EBF1: variants seen among roughly 807,000 people sequenced by gnomAD.
The protein encoded by EBF1 is transcription factor COE1.
In EBF1, 10 loss-of-function variants were observed where a neutral mutation model predicts 68.4. The ratio of observed to expected loss-of-function variants is 0.15; its 90% CI spans 0.09 to 0.25. EBF1 has a LOEUF of 0.25. Ranked by LOEUF, EBF1 falls within the 10% of genes least tolerant of loss-of-function variation. The pLI, the probability that EBF1 is intolerant of heterozygous loss-of-function variation, is 1.00. For missense variants in EBF1, 509 were observed against 794.4 expected (o/e 0.64, Z 4.32); for synonymous variants, 298 against 299.8 (o/e 0.99, Z 0.06).
At chr5:159,077,442 A>G (rs183808973) in intron 5 of EBF1, among the ~76,000 whole-genome samples, 3 of 152,292 alleles carry the variant, frequency 2.0e-5, no homozygotes, top group Admixed American at 2.0e-4. Context: ...CTCAAAAAGA[A>G]AAAAGAAAGA....
chr5:158,787,564 T>C (rs949265763), intron 9 of EBF1, among the ~76,000 whole-genome samples: 2 of 152,206 alleles, frequency 1.3e-5, no homozygotes, highest in African/African-American at 4.8e-5. Flanking sequence ...TTTTATTACA[T>C]TCATATTAGA....
chr5:158,775,283 A>C (rs4704959), intron 10 of EBF1, among the ~76,000 whole-genome samples: 29,434 of 151,912 alleles, frequency 0.19, 3,197 homozygotes, highest in African/African-American at 0.27. Flanking sequence ...GAACTTAAGT[A>C]ATTTAATGAG....
At chr5:158,991,364 G>A (rs552371104) in intron 6 of EBF1, among the ~76,000 whole-genome samples, 1 of 152,148 alleles carries the variant, frequency 6.6e-6, no homozygotes, top group African/African-American at 2.4e-5. Context: ...AAAAATATCT[G>A]AATCACAAAA....
chr5:158,764,118 A>G (rs1208997658), intron 10 of EBF1, among the ~76,000 whole-genome samples: 1 of 152,204 alleles, frequency 6.6e-6, no homozygotes, highest in Admixed American at 6.5e-5. Context: ...GCAGATGAGA[A>G]AAATGGAGTC....
chr5:158,925,449 GC>G (rs1809497913), intron 6 of EBF1, among the ~76,000 whole-genome samples: 1 of 152,200 alleles, frequency 6.6e-6, no homozygotes, highest in Admixed American at 6.5e-5. Context: ...CTCCCTTGTG[GC>G]CATGTGACTA....
intron 11 of EBF1, among the ~76,000 whole-genome samples, chr5:158,719,452 T>A (rs1761475592): frequency 6.6e-6 from 1 of 152,170 alleles, no homozygotes; most frequent in African/African-American, 2.4e-5. Flanking sequence ...TATGCAGACA[T>A]AGTTAACTCA....
chr5:158,790,973 G>A (rs1388802930), intron 9 of EBF1, among the ~76,000 whole-genome samples: 1 of 152,154 alleles, frequency 6.6e-6, no homozygotes, highest in African/African-American at 2.4e-5. Flanking sequence ...GTTTCCACCT[G>A]CCACCACTGT....
intron 6 of EBF1, among the ~76,000 whole-genome samples, chr5:158,959,178 T>C (rs1218639801): frequency 1.3e-5 from 2 of 152,328 alleles, no homozygotes; most frequent in Admixed American, 1.3e-4. Context: ...AATAACCATT[T>C]GCCCATATTT....
intron 6 of EBF1, among the ~76,000 whole-genome samples, chr5:158,851,692 T>G (rs1318817945): frequency 6.7e-3 from 281 of 41,990 alleles, no homozygotes; most frequent in Non-Finnish European, 7.1e-3. Flanking sequence ...GGAGGAGAAG[T>G]AAAGGGAAGG....
At chr5:159,068,906 G>A (rs970580392) in intron 6 of EBF1, among the ~76,000 whole-genome samples, 1 of 151,924 alleles carries the variant, frequency 6.6e-6, no homozygotes, top group African/African-American at 2.4e-5. Flanking sequence ...TACAAAATTT[G>A]TGTATTTTTT....
At chr5:158,747,527 T>C (rs1175832212) in intron 10 of EBF1, among the ~76,000 whole-genome samples, 1 of 152,162 alleles carries the variant, frequency 6.6e-6, no homozygotes, top group East Asian at 1.9e-4. Flanking sequence ...CAAAGCCAAA[T>C]AGACCTGCCA....
chr5:158,873,618 A>G (rs1298281007), intron 6 of EBF1, among the ~76,000 whole-genome samples: 1 of 152,224 alleles, frequency 6.6e-6, no homozygotes, highest in African/African-American at 2.4e-5. Flanking sequence ...GTGAATGTAA[A>G]CAAAATTTTA....
At chr5:159,096,493 C>G in intron 2 of EBF1, 87 bp from the exon 3 acceptor site, 1 of 1,491,708 alleles carries the variant, frequency 6.7e-7, no homozygotes, top group Non-Finnish European at 9.2e-7. Flanking sequence ...GCAACTTTCC[C>G]CAAGCCGGGA....
intron 11 of EBF1, among the ~76,000 whole-genome samples, chr5:158,727,862 A>G (rs1223995205): frequency 6.6e-6 from 1 of 152,220 alleles, no homozygotes; most frequent in Admixed American, 6.5e-5. Context: ...ATACAAAGGC[A>G]TATTATTATG....
chr5:158,712,288 G>C lies in EBF1; in HGVS notation c.1415C>G (p.Pro472Arg), dbSNP rs761796846. The change falls in exon 14 of 16, where the codon CCG becomes CGG. Residue 472 changes from proline (P) to arginine (R), a missense_variant. Transcript: ENST00000313708. ...SSSVSPHGYV[P>R]STTPQQTNYN... ...GTTGGTCTGCTGGGGAGTGGTGCTC[G>C]GCACGTACCCGTGTGGTGATACGCT... 1.2e-6 allele frequency: 2 copies of C among 1,614,072 alleles called. No homozygotes were observed. The highest frequency in any genetic ancestry group is 1.1e-5 in the South Asian group (1 of 91,016).
chr5:158,869,512 A>G (rs902858584), intron 6 of EBF1, among the ~76,000 whole-genome samples: 1 of 151,808 alleles, frequency 6.6e-6, no homozygotes, highest in Non-Finnish European at 1.5e-5. Context: ...CCTCTTCTCC[A>G]AACATTCTGT....
At chr5:159,061,002 G>A (rs1292188691) in intron 6 of EBF1, among the ~76,000 whole-genome samples, 1 of 151,178 alleles carries the variant, frequency 6.6e-6, no homozygotes, top group African/African-American at 2.4e-5. Flanking sequence ...AGAGAGCAGT[G>A]GTAAACTAGG....
chr5:158,951,426 A>G (rs777859071), intron 6 of EBF1, among the ~76,000 whole-genome samples: 1 of 152,176 alleles, frequency 6.6e-6, no homozygotes, highest in African/African-American at 2.4e-5. Flanking sequence ...CACGTTCACA[A>G]TGGTGATTTC....
chr5:158,833,807 T>C (rs1252310962), intron 7 of EBF1, among the ~76,000 whole-genome samples: 1 of 152,326 alleles, frequency 6.6e-6, no homozygotes, highest in Admixed American at 6.5e-5. Context: ...TTCGATATTA[T>C]ATGTTCTATT....
Sources: allele counts gnomAD v4.1 joint callset (sites outside exome capture counted in the v4.1 genomes callset), GRCh38; gene constraint gnomAD v4.1.1; transcripts MANE v1.5; gene names NCBI Gene and HGNC (gene_info 2026-07-23, HGNC 2026-07-21).